The following APP variants were observed in gnomAD, a reference collection of about 807,000 sequenced individuals.
APP encodes amyloid beta precursor protein.
Under a neutral mutation model 101.4 loss-of-function variants are expected in APP, and 31 were observed. That is an observed-to-expected ratio of 0.31 (90% CI 0.23 to 0.41). APP has a LOEUF of 0.41. Ranked by LOEUF, APP falls within the 10% of genes least tolerant of loss-of-function variation. The pLI is 1.00. For missense variants in APP, 839 were observed against 1,003.7 expected (o/e 0.84, Z 2.22); for synonymous variants, 366 against 364.4 (o/e 1.00, Z -0.05).
intron 5 of APP, among the ~76,000 whole-genome samples, chr21:26,048,250 G>C (rs1238530971): frequency 1.3e-5 from 2 of 152,106 alleles, no homozygotes; most frequent in Non-Finnish European, 2.9e-5. Context: ...TTGAACCCGG[G>C]AGGTGGAGGT....
chr21:26,089,800 C>T (rs2061783449), intron 3 of APP, 143 bp downstream of exon 3: 2 of 1,289,554 alleles, frequency 1.6e-6, no homozygotes, highest in Admixed American at 3.8e-5. Flanking sequence ...AATGTAACTG[C>T]AAGAGTCCAA....
chr21:26,056,111 C>T (rs959135543), intron 3 of APP, among the ~76,000 whole-genome samples: 29 of 152,204 alleles, frequency 1.9e-4, no homozygotes, highest in African/African-American at 6.8e-4. Flanking sequence ...ATCAATGGCT[C>T]ACTGCAGCTT....
intron 13 of APP, among the ~76,000 whole-genome samples, chr21:25,925,771 T>TA (rs201230695): frequency 0.016 from 2,441 of 151,890 alleles, 64 homozygotes; most frequent in African/African-American, 0.056. Context: ...CCGTCTCTAC[T>TA]AAAAAAATAC....
At chr21:26,085,481 G>T (rs138037138) in intron 3 of APP, among the ~76,000 whole-genome samples, 7 of 152,248 alleles carry the variant, frequency 4.6e-5, no homozygotes, top group African/African-American at 1.4e-4. Flanking sequence ...GTGGGGAGAG[G>T]AGGCGCCATG....
At chr21:26,080,226 T>C (rs2146073670) in intron 3 of APP, among the ~76,000 whole-genome samples, 1 of 152,340 alleles carries the variant, frequency 6.6e-6, no homozygotes, top group East Asian at 1.9e-4. Flanking sequence ...AATTCACTTG[T>C]AACACTTAAT....
chr21:26,094,836 A>T (rs1237945145), intron 2 of APP, among the ~76,000 whole-genome samples: 1 of 151,328 alleles, frequency 6.6e-6, no homozygotes, highest in African/African-American at 2.4e-5. Context: ...TTATTTTTCT[A>T]TTTATTTAAT....
chr21:25,904,817 CAAAA>C (rs529624434), intron 15 of APP, among the ~76,000 whole-genome samples: 1 of 150,454 alleles, frequency 6.6e-6, no homozygotes, highest in Admixed American at 6.6e-5. Context: ...AGCTCAGAAA[CAAAA>C]AAAATCATTT....
In APP at chr21:25,891,785, G is replaced by C. The variant is rs145564988; in HGVS notation, c.2148C>G (p.Ile716Met). 1.2e-6 allele frequency: 2 copies of C among 1,614,024 alleles called. No homozygotes were observed. The highest frequency in any genetic ancestry group is 1.7e-6 in the Non-Finnish European group (2 of 1,179,944). The change falls in exon 17 of 18, where the codon ATC becomes ATG. Residue 716 changes from isoleucine to methionine, a missense_variant. Ile to Met is a conservative substitution (Grantham distance 10). Transcript: ENST00000346798. ...TCTTCAGCATCACCAAGGTGATGACGATCACTGTCGCTATGACAACACCGC... is the reference window on the plus strand; with the variant it reads ...TCTTCAGCATCACCAAGGTGATGACCATCACTGTCGCTATGACAACACCGC... ...MVGGVVIATV[I>M]VITLVMLKKK...
At chr21:26,056,647 C>T (rs903753324) in intron 3 of APP, among the ~76,000 whole-genome samples, 5 of 149,258 alleles carry the variant, frequency 3.3e-5, no homozygotes, top group Admixed American at 6.8e-5. Context: ...TTCTAACTTG[C>T]AAAACATTTC....
At chr21:26,137,108 T>C (rs1479609711) in intron 1 of APP, among the ~76,000 whole-genome samples, 1 of 152,110 alleles carries the variant, frequency 6.6e-6, no homozygotes, top group African/African-American at 2.4e-5. Context: ...ACCCAGCTAA[T>C]TTTTCCTATT....
At chr21:26,041,914 C>T (rs985239530) in intron 5 of APP, among the ~76,000 whole-genome samples, 5 of 143,520 alleles carry the variant, frequency 3.5e-5, no homozygotes, top group East Asian at 2.1e-4. Flanking sequence ...TTCTCCTATT[C>T]GTCATTTTCA....
chr21:26,101,210 T>C (rs2062050692), intron 2 of APP, among the ~76,000 whole-genome samples: 1 of 147,482 alleles, frequency 6.8e-6, no homozygotes, highest in Non-Finnish European at 1.5e-5. Context: ...GCAATTCTCC[T>C]GCCTCAGTCT....
rs147982818 is a variant in APP, at chr21:25,898,405, TAAAAC to T, written c.1964-737_1964-733del. On this transcript the variant is annotated intron_variant, in intron 15 of 17. Transcript: ENST00000346798. Reference sequence around the variant, plus strand: ...ATTATTCAAATAATAATTTGAAGCTTAAAACAAAATGCAGAGTCATTTAAAAACCA... The same window carrying T: ...ATTATTCAAATAATAATTTGAAGCTTAAAATGCAGAGTCATTTAAAAACCA... 2.1e-3 allele frequency among the ~76,000 whole-genome samples: 326 copies of T among 152,322 alleles called. 1 individual carries two copies. Among genetic ancestry groups the T allele is most frequent in the African/African-American group, 7.5e-3 (311 of 41,572 alleles).
intron 6 of APP, among the ~76,000 whole-genome samples, chr21:26,016,940 G>T (rs1415168822): frequency 2.0e-3 from 13 of 6,652 alleles, no homozygotes; most frequent in Non-Finnish European, 0.013. Flanking sequence ...TGGGGGGCGG[G>T]GGGCGGGGGG....
intron 5 of APP, among the ~76,000 whole-genome samples, chr21:26,033,974 A>T (rs1242890673): frequency 6.6e-6 from 1 of 152,220 alleles, no homozygotes; most frequent in African/African-American, 2.4e-5. Context: ...ACCCCGCTGG[A>T]GAGGCATACA....
chr21:25,999,337 A>G (rs1216758195), intron 7 of APP, among the ~76,000 whole-genome samples: 1 of 152,150 alleles, frequency 6.6e-6, no homozygotes, highest in Non-Finnish European at 1.5e-5. Context: ...GCCTTATGTC[A>G]TTGAAAGTTT....
At chr21:25,983,148 T>C (rs2146604659) in intron 8 of APP, among the ~76,000 whole-genome samples, 1 of 152,368 alleles carries the variant, frequency 6.6e-6, no homozygotes, top group East Asian at 1.9e-4. Flanking sequence ...ATTCAACTAA[T>C]ACTGCTAAGC....
intron 8 of APP, among the ~76,000 whole-genome samples, chr21:25,995,098 T>C (rs2043003318): frequency 1.3e-5 from 2 of 152,192 alleles, no homozygotes; most frequent in South Asian, 2.1e-4. Context: ...TTTCAGTATC[T>C]GTTTGGAACA....
At chr21:25,928,546 A>G (rs1302344508) in intron 13 of APP, among the ~76,000 whole-genome samples, 1 of 152,132 alleles carries the variant, frequency 6.6e-6, no homozygotes, top group Admixed American at 6.5e-5. Context: ...ATTTTTAAAT[A>G]TATTTTTAGA....
Sources: gnomAD v4.1 joint callset for allele counts (sites outside exome capture counted in the v4.1 genomes callset) on GRCh38, gnomAD v4.1.1 for gene constraint, MANE v1.5 for transcripts, NCBI Gene and HGNC (gene_info 2026-07-23, HGNC 2026-07-21) for gene names.